ADCY5: variants seen among roughly 807,000 people sequenced by gnomAD.
ADCY5 encodes the protein adenylate cyclase 5.
Under a neutral mutation model 119.7 loss-of-function variants are expected in ADCY5, and 30 were observed. The ratio of observed to expected loss-of-function variants is 0.25; its 90% CI spans 0.19 to 0.34. The LOEUF is 0.34. Ranked by LOEUF, ADCY5 falls within the 10% of genes least tolerant of loss-of-function variation. The pLI, the probability that ADCY5 is intolerant of heterozygous loss-of-function variation, is 1.00. For synonymous variants in ADCY5, 753 were observed against 762.2 expected (o/e 0.99, Z 0.20); for missense variants, 1,324 against 1,775.2 (o/e 0.75, Z 4.57).
At chr3:123,292,932 A>G (rs1379828374) in intron 17 of ADCY5, among the ~76,000 whole-genome samples, 1 of 152,186 alleles carries the variant, frequency 6.6e-6, no homozygotes, top group Non-Finnish European at 1.5e-5. Context: ...AAAGTGTCAG[A>G]CAGAGTGGAG....
intron 1 of ADCY5, chr3:123,416,317 T>A (rs1945184769): frequency 6.5e-7 from 1 of 1,535,620 alleles, no homozygotes; most frequent in Admixed American, 2.0e-5. Context: ...CTAAAGGCAA[T>A]AACCTCCTTC....
Position 123,448,333 on chromosome 3 carries a change from G to A in ADCY5, c.213C>T (p.Ser71=), listed in dbSNP as rs777714893. 1.1e-5 allele frequency: 17 copies of A among 1,532,038 alleles called. No homozygotes were observed. The highest frequency in any genetic ancestry group is 1.5e-5 in the Non-Finnish European group (17 of 1,150,364). The allele number at this position is 1,532,038 out of a possible 1,614,324, so 94.9% of individuals were successfully genotyped here. A position where few individuals can be genotyped will look rare whatever the true frequency, so the allele number is the denominator to read the frequency against. Residue 71 remains serine (S), a synonymous_variant, in exon 1 of 21, where the codon AGC becomes AGT. Coordinates refer to ENST00000462833, the MANE Select transcript of ADCY5 (RefSeq NM_183357.3). ...CGTCGTCGTCGTCGCTGCGCCAGCG[G>A]CTGGCCAGGCGCTGCTGCTGCTGCG... ...VTPQQQQRLA[S]RWRSDDDDDP... is the part of the protein sequence containing the mutation.
At chr3:123,363,754 A>G (rs1007453747) in intron 1 of ADCY5, among the ~76,000 whole-genome samples, 3 of 152,094 alleles carry the variant, frequency 2.0e-5, no homozygotes, top group Non-Finnish European at 4.4e-5. Flanking sequence ...ACAAAGAAAT[A>G]AAAAATTAGC....
At chr3:123,383,703 G>C (rs1234120339) in intron 1 of ADCY5, among the ~76,000 whole-genome samples, 1 of 115,228 alleles carries the variant, frequency 8.7e-6, no homozygotes, top group East Asian at 3.7e-4. Flanking sequence ...TCTCAGCTAG[G>C]GGGTTTAAAC....
chr3:123,368,189 C>T (rs528304278), intron 1 of ADCY5: 14 of 612,790 alleles, frequency 2.3e-5, no homozygotes, highest in Middle Eastern at 4.7e-4. Context: ...GAGCTAATGA[C>T]GCCTGCGAAT....
At chr3:123,314,682 G>A (rs976422097) in intron 11 of ADCY5, among the ~76,000 whole-genome samples, 5 of 152,184 alleles carry the variant, frequency 3.3e-5, no homozygotes, top group Non-Finnish European at 7.3e-5. Flanking sequence ...TCACTGATGT[G>A]CTTCATTTAG....
At chr3:123,321,151 AATT>A (rs1270559351) in intron 8 of ADCY5, among the ~76,000 whole-genome samples, 6 of 152,046 alleles carry the variant, frequency 3.9e-5, no homozygotes, top group Non-Finnish European at 7.4e-5. Flanking sequence ...GGAAATCGGG[AATT>A]GCTGGGCTGC....
At chr3:123,290,967 G>C in intron 18 of ADCY5, 146 bp downstream of exon 18, 1 of 1,094,400 alleles carries the variant, frequency 9.1e-7, no homozygotes, top group Non-Finnish European at 1.3e-6. Flanking sequence ...TGGGGACACG[G>C]TCAGGTTCCC....
chr3:123,396,898 A>G (rs1944612817), intron 1 of ADCY5, among the ~76,000 whole-genome samples: 1 of 151,798 alleles, frequency 6.6e-6, no homozygotes, highest in Non-Finnish European at 1.5e-5. Context: ...TCTGTAGCAC[A>G]CAGGGGCATG....
At chr3:123,341,955 G>A (rs1033067334) in intron 3 of ADCY5, among the ~76,000 whole-genome samples, 22 of 152,178 alleles carry the variant, frequency 1.4e-4, no homozygotes, top group African/African-American at 5.1e-4. Context: ...ACAGGGTCTC[G>A]CTCTGTTGCC....
chr3:123,364,283 ATCTTC>A (rs1261094812), intron 1 of ADCY5, among the ~76,000 whole-genome samples: 1 of 152,230 alleles, frequency 6.6e-6, no homozygotes, highest in African/African-American at 2.4e-5. Flanking sequence ...TGGCTGAAGA[ATCTTC>A]TCTTCTGACA....
chr3:123,325,377 C>A lies in ADCY5; in HGVS notation c.2033G>T (p.Arg678Leu). Residue 678 changes from arginine (R) to leucine (L), a missense_variant, in exon 8 of 21, where the codon CGC becomes CTC. Arg to Leu is a moderately radical substitution (Grantham distance 102). Around this residue, in one of 6 missense-constraint regions of ADCY5, gnomAD observed 424 missense variants for 546.8 expected, o/e 0.78. Transcript: ENST00000462833. ...GCCACCCAGGTGGTTGTAGAAGGGG[C>A]GCTCAGCCCCCCAGTGTGGTGGGTT... ...GHNPPHWGAE[R>L]PFYNHLGGNQ... is the part of the protein sequence containing the mutation. 8 of 1,614,166 alleles carry A rather than the reference C, an allele frequency of 5.0e-6. No homozygotes were observed. The highest frequency in any genetic ancestry group is 6.8e-6 in the Non-Finnish European group (8 of 1,180,018).
chr3:123,399,370 T>C (rs1390324997), intron 1 of ADCY5, among the ~76,000 whole-genome samples: 1 of 152,208 alleles, frequency 6.6e-6, no homozygotes, highest in African/African-American at 2.4e-5. Flanking sequence ...ATAGCTCACA[T>C]TATGTTTCTA....
In ADCY5 at chr3:123,447,517, C is replaced by A. The variant is rs759910139; in HGVS notation, c.1029G>T (p.Leu343=). Residue 343 remains leucine (L), a synonymous_variant, in exon 1 of 21, where the codon CTG becomes CTT. Transcript: ENST00000462833. The part of the protein sequence containing the change: ...VFFIYTIYTL[L]PVRMRAAVLS... ...GCACTGCGGCCCGCATGCGCACGGG[C>A]AGCAGCGTGTAGATGGTGTAGATGA... The A allele has an allele frequency of 6.2e-7, 1 of 1,611,396 alleles. No individual in the cohort carries two copies. Among genetic ancestry groups the A allele is most frequent in the Non-Finnish European group, 8.5e-7 (1 of 1,179,650 alleles).
intron 1 of ADCY5, among the ~76,000 whole-genome samples, chr3:123,414,579 C>A (rs1198743346): frequency 6.6e-6 from 1 of 151,624 alleles, no homozygotes; most frequent in Non-Finnish European, 1.5e-5. Context: ...TTTTTTGAGA[C>A]AAAGTCTGGC....
At chr3:123,341,272 T>C (rs1421462598) in intron 3 of ADCY5, among the ~76,000 whole-genome samples, 4 of 150,058 alleles carry the variant, frequency 2.7e-5, no homozygotes, top group Non-Finnish European at 4.5e-5. Flanking sequence ...GGTATATTCA[T>C]ATAATGGAGT....
At chr3:123,342,752 G>GA (rs397818896) in intron 3 of ADCY5, among the ~76,000 whole-genome samples, 1 of 108 alleles carries the variant, frequency 9.3e-3, no homozygotes, top group Non-Finnish European at 0.033. Flanking sequence ...AGACCAGTCA[G>GA]TGCAGGGTCA....
At chr3:123,428,224 A>T (rs1945451691) in intron 1 of ADCY5, among the ~76,000 whole-genome samples, 1 of 152,218 alleles carries the variant, frequency 6.6e-6, no homozygotes. Context: ...TTTATGGCAC[A>T]CACAGGCAGG....
chr3:123,397,889 A>T (rs573223851), intron 1 of ADCY5, among the ~76,000 whole-genome samples: 2 of 152,296 alleles, frequency 1.3e-5, no homozygotes, highest in African/African-American at 4.8e-5. Context: ...CAGACAGTGA[A>T]GGGGACTGTG....
Sources: gnomAD v4.1 joint callset for allele counts (sites outside exome capture counted in the v4.1 genomes callset) on GRCh38, gnomAD v4.1.1 for gene constraint, gnomAD v4.1.1 regional missense constraint, MANE v1.5 for transcripts, NCBI Gene and HGNC (gene_info 2026-07-23, HGNC 2026-07-21) for gene names.